Variants in RANBP9 observed in about 807,000 individuals in gnomAD.
RANBP9 encodes RAN binding protein 9.
Under a neutral mutation model 84.3 loss-of-function variants are expected in RANBP9, and 15 were observed. The observed-to-expected ratio is 0.18, with a 90% CI of 0.12 to 0.27. The LOEUF is 0.27. Among genes scored for constraint, RANBP9 ranks in the 10% least tolerant of loss-of-function variants. The pLI, the probability that RANBP9 is intolerant of heterozygous loss-of-function variation, is 1.00. For synonymous variants in RANBP9, 392 were observed against 349.6 expected (o/e 1.12, Z -1.35); for missense variants, 809 against 912.8 (o/e 0.89, Z 1.46).
intron 10 of RANBP9, among the ~76,000 whole-genome samples, chr6:13,634,819 A>G (rs1764896558): frequency 6.6e-6 from 1 of 152,208 alleles, no homozygotes; most frequent in Admixed American, 6.5e-5. Flanking sequence ...ATCAATATGG[A>G]GAAATCATAC....
chr6:13,653,739 T>C, intron 4 of RANBP9, among the ~76,000 whole-genome samples: 1 of 152,270 alleles, frequency 6.6e-6, no homozygotes, highest in South Asian at 2.1e-4. Flanking sequence ...TTTAAAATAA[T>C]GTGTAAAATT....
intron 1 of RANBP9, among the ~76,000 whole-genome samples, chr6:13,703,432 C>G (rs1758024524): frequency 6.6e-6 from 1 of 152,196 alleles, no homozygotes; most frequent in Admixed American, 6.5e-5. Context: ...CCAACCCTTC[C>G]TAGGAGAAAC....
chr6:13,652,628 A>T, intron 5 of RANBP9, 31 bp downstream of exon 5: 1 of 1,541,644 alleles, frequency 6.5e-7, no homozygotes, highest in Non-Finnish European at 8.9e-7. Context: ...TGTAATTAAA[A>T]ATGGAAAACT....
At chr6:13,699,567 G>A (rs1757917163) in intron 1 of RANBP9, among the ~76,000 whole-genome samples, 1 of 152,046 alleles carries the variant, frequency 6.6e-6, no homozygotes, top group East Asian at 1.9e-4. Flanking sequence ...ATGTTTCATT[G>A]GGCATTTCCT....
chr6:13,632,002 C>G (rs1764795336), intron 12 of RANBP9, among the ~76,000 whole-genome samples: 1 of 152,148 alleles, frequency 6.6e-6, no homozygotes, highest in Non-Finnish European at 1.5e-5. Context: ...ATAGTTTTAT[C>G]TGCACGCCCA....
At chr6:13,665,444 C>A (rs1765623821) in intron 2 of RANBP9, among the ~76,000 whole-genome samples, 1 of 152,146 alleles carries the variant, frequency 6.6e-6, no homozygotes, top group Admixed American at 6.6e-5. Context: ...TGAGATACAA[C>A]TGCATACCTG....
chr6:13,665,046 A>G (rs1017349117), intron 2 of RANBP9, among the ~76,000 whole-genome samples: 12 of 152,196 alleles, frequency 7.9e-5, no homozygotes, highest in Non-Finnish European at 1.6e-4. Flanking sequence ...GTAAAAAGAT[A>G]ACTGACATCC....
At chr6:13,641,797 A>G (rs1200367834) in intron 7 of RANBP9, among the ~76,000 whole-genome samples, 2 of 152,216 alleles carry the variant, frequency 1.3e-5, no homozygotes, top group Admixed American at 1.3e-4. Context: ...GCTTATTAAA[A>G]TAGTAGAAAA....
intron 6 of RANBP9, 23 bp from the exon 7 acceptor site, chr6:13,642,614 T>C (rs763583819): frequency 7.5e-6 from 11 of 1,466,644 alleles, no homozygotes; most frequent in South Asian, 1.2e-5. Flanking sequence ...AGAAGAAACA[T>C]ACATCTTTTA....
intron 2 of RANBP9, among the ~76,000 whole-genome samples, chr6:13,671,575 T>A (rs1055042668): frequency 6.6e-6 from 1 of 152,164 alleles, no homozygotes; most frequent in Non-Finnish European, 1.5e-5. Flanking sequence ...TCCATTTATA[T>A]GAAATGTCCA....
intron 2 of RANBP9, among the ~76,000 whole-genome samples, chr6:13,672,558 TAA>T (rs911863925): frequency 1.3e-5 from 2 of 152,098 alleles, no homozygotes; most frequent in African/African-American, 4.8e-5. Flanking sequence ...CCCAGCCAGA[TAA>T]ACCTAAAATC....
chr6:13,640,744 G>C (rs186152331), intron 8 of RANBP9, among the ~76,000 whole-genome samples: 16 of 152,304 alleles, frequency 1.1e-4, no homozygotes, highest in African/African-American at 3.8e-4. Context: ...CTAGGGGGAT[G>C]AATGGATGGT....
chr6:13,688,055 T>C (rs1181167076), intron 2 of RANBP9, among the ~76,000 whole-genome samples: 1 of 152,236 alleles, frequency 6.6e-6, no homozygotes, highest in Non-Finnish European at 1.5e-5. Flanking sequence ...AGCATCAAGC[T>C]ACCTTGAGTT....
At chr6:13,637,089 T>G (rs777453085) in intron 10 of RANBP9, among the ~76,000 whole-genome samples, 9 of 152,200 alleles carry the variant, frequency 5.9e-5, no homozygotes, top group Non-Finnish European at 1.2e-4. Flanking sequence ...CACAGTAGTA[T>G]TTAATTCAAA....
At chr6:13,637,542 T>G (rs1289331001) in intron 10 of RANBP9, among the ~76,000 whole-genome samples, 3 of 152,172 alleles carry the variant, frequency 2.0e-5, no homozygotes, top group Non-Finnish European at 4.4e-5. Context: ...AGACAATGCA[T>G]GAAGCCCTGA....
intron 2 of RANBP9, among the ~76,000 whole-genome samples, chr6:13,672,019 G>A (rs902172764): frequency 1.3e-5 from 2 of 152,140 alleles, no homozygotes; most frequent in Non-Finnish European, 2.9e-5. Flanking sequence ...ATAACTGGAA[G>A]GAACACTTTA....
At position 13,629,277 on chromosome 6, in the gene RANBP9, C is replaced by T. The variant is rs149867387; in HGVS notation, c.1947+3093G>A. ...AGATGTGGGCCACCACACCCAGCCT[C>T]GTGTAGTTATTTAAAAATAATTGGA... On this transcript the variant is annotated intron_variant, in intron 12 of 13. Coordinates refer to ENST00000011619, the MANE Select transcript of RANBP9 (RefSeq NM_005493.3). Among the ~76,000 whole-genome samples, 480 of 152,058 alleles carry T rather than the reference C, an allele frequency of 3.2e-3. 5 individuals are homozygous for T. The highest frequency in any genetic ancestry group is 0.011 in the African/African-American group (458 of 41,462).
chr6:13,708,442 A>G (rs986675404), intron 1 of RANBP9, among the ~76,000 whole-genome samples: 5 of 152,140 alleles, frequency 3.3e-5, no homozygotes, highest in African/African-American at 1.2e-4. Context: ...ATACACAAAA[A>G]CACCAGAACA....
chr6:13,685,920 ACT>A (rs768495329), intron 2 of RANBP9, among the ~76,000 whole-genome samples: 2 of 150,214 alleles, frequency 1.3e-5, no homozygotes, highest in Non-Finnish European at 3.0e-5. Context: ...ACAGAGCGAG[ACT>A]CTGTCTCAAA....
Sources: gnomAD v4.1 joint callset for allele counts (sites outside exome capture counted in the v4.1 genomes callset) on GRCh38, gnomAD v4.1.1 for gene constraint, MANE v1.5 for transcripts, NCBI Gene and HGNC (gene_info 2026-07-23, HGNC 2026-07-21) for gene names.